APP: variants seen among roughly 807,000 people sequenced by gnomAD.
APP encodes the protein amyloid beta precursor protein.
Under a neutral mutation model 101.4 loss-of-function variants are expected in APP, and 31 were observed. The ratio of observed to expected loss-of-function variants is 0.31; its 90% CI spans 0.23 to 0.41. The LOEUF (loss-of-function observed/expected upper bound fraction) is 0.41. Among genes scored for constraint, APP ranks in the 10% least tolerant of loss-of-function variants. The probability of loss-of-function intolerance (pLI) is 1.00; values close to 1 mark genes in which losing one functional copy is unlikely to be tolerated. For missense variants in APP, 839 were observed against 1,003.7 expected (o/e 0.84, Z 2.22); for synonymous variants, 366 against 364.4 (o/e 1.00, Z -0.05).
chr21:25,883,200 T>C (rs924661351), intron 17 of APP, among the ~76,000 whole-genome samples: 1 of 152,090 alleles, frequency 6.6e-6, no homozygotes, highest in Non-Finnish European at 1.5e-5. Context: ...GTCAGGAGTT[T>C]GAGACCAGCC....
At chr21:26,075,976 C>G (rs192886069) in intron 3 of APP, among the ~76,000 whole-genome samples, 45 of 152,292 alleles carry the variant, frequency 3.0e-4, no homozygotes, top group East Asian at 3.9e-4. Flanking sequence ...TCACTGCAAT[C>G]TCCGCTTCCC....
At chr21:26,094,853 ATTTT>A in intron 2 of APP, among the ~76,000 whole-genome samples, 1 of 149,070 alleles carries the variant, frequency 6.7e-6, no homozygotes, top group East Asian at 2.0e-4. Flanking sequence ...TAATTAATTT[ATTTT>A]TTTTTTGAGA....
At chr21:25,957,035 TG>T (rs1252148588) in intron 11 of APP, among the ~76,000 whole-genome samples, 4 of 152,186 alleles carry the variant, frequency 2.6e-5, no homozygotes, top group Admixed American at 2.6e-4. Context: ...TGTATTTGCT[TG>T]GTGAATGCCT....
chr21:26,170,721 C>G lies in APP; in HGVS notation c.-101G>C, dbSNP rs2063729531. On this transcript the variant is annotated 5_prime_UTR_variant, in exon 1 of 18. Transcript: ENST00000346798. The stretch of plus-strand genomic sequence containing the variant: ...CACCGCCGCCGTCTCCCGGGGCCCC[C>G]GCGCACGCTCCTCCGCGTGCTCTCG... 2.2e-5 allele frequency: 27 copies of G among 1,246,174 alleles called. No individual in the cohort carries two copies. The highest frequency in any genetic ancestry group is 2.9e-5 in the Non-Finnish European group (27 of 943,942). 77.2% of individuals were successfully genotyped at this position (1,246,174 alleles called of 1,614,324 possible). A position where few individuals can be genotyped will look rare whatever the true frequency, so the allele number is the denominator to read the frequency against.
At chr21:26,043,910 T>G (rs1456050407) in intron 5 of APP, among the ~76,000 whole-genome samples, 1 of 152,224 alleles carries the variant, frequency 6.6e-6, no homozygotes, top group African/African-American at 2.4e-5. Context: ...TACTTAACCA[T>G]GAGTCTGAGA....
At chr21:26,125,754 A>T (rs148425712) in intron 1 of APP, among the ~76,000 whole-genome samples, 11 of 152,362 alleles carry the variant, frequency 7.2e-5, no homozygotes, top group African/African-American at 2.2e-4. Flanking sequence ...CTAGCCCCAC[A>T]TCACATCAGG....
At chr21:26,091,101 T>C (rs1387219557) in intron 2 of APP, among the ~76,000 whole-genome samples, 3 of 152,260 alleles carry the variant, frequency 2.0e-5, no homozygotes, top group African/African-American at 7.2e-5. Context: ...TGCATTCCCT[T>C]GCATAAACCT....
chr21:25,886,773 C>G lies in APP; in HGVS notation c.2211+4949G>C, dbSNP rs187914724. Among the ~76,000 whole-genome samples, 37 of 143,506 alleles carry G rather than the reference C, an allele frequency of 2.6e-4. 1 individual carries two copies. The East Asian group carries it at 7.2e-3, about 28-fold the overall frequency. 94.1% of individuals were successfully genotyped at this position (143,506 alleles called of 152,430 possible). A position where few individuals can be genotyped will look rare whatever the true frequency, so the allele number is the denominator to read the frequency against. ...CACTGTAAGCCACTCCTAGGTTCTG[C>G]ACCCCCCCTCACTTTTCCTTATCGT... On this transcript the variant is annotated intron_variant, in intron 17 of 17. Transcript: ENST00000346798.
chr21:26,019,224 C>A (rs548872098), intron 6 of APP, among the ~76,000 whole-genome samples: 1 of 152,358 alleles, frequency 6.6e-6, no homozygotes, highest in East Asian at 1.9e-4. Flanking sequence ...TAATGCCCAT[C>A]TTTGCCAGCC....
intron 13 of APP, among the ~76,000 whole-genome samples, chr21:25,936,616 G>A (rs886157608): frequency 3.9e-5 from 6 of 152,210 alleles, no homozygotes; most frequent in South Asian, 2.1e-4. Context: ...GACATGATGC[G>A]TAGGTGGCCA....
chr21:26,091,418 G>A (rs949396765), intron 2 of APP, among the ~76,000 whole-genome samples: 1 of 152,150 alleles, frequency 6.6e-6, no homozygotes, highest in African/African-American at 2.4e-5. Flanking sequence ...ATTGGTCATT[G>A]CAAGGAGTAT....
At chr21:25,995,187 T>A (rs1252908524) in intron 8 of APP, among the ~76,000 whole-genome samples, 1 of 152,144 alleles carries the variant, frequency 6.6e-6, no homozygotes, top group Non-Finnish European at 1.5e-5. Context: ...CCATCAGTTA[T>A]TAAAAATGGA....
intron 2 of APP, among the ~76,000 whole-genome samples, chr21:26,096,882 GAAAGGAA>G (rs1195405311): frequency 6.6e-6 from 1 of 152,214 alleles, no homozygotes; most frequent in Non-Finnish European, 1.5e-5. Context: ...GTTAGTCCAG[GAAAGGAA>G]AACAGGGAAT....
At chr21:25,934,509 C>G (rs1457800475) in intron 13 of APP, 2 of 152,010 alleles carry the variant, frequency 1.3e-5, no homozygotes, top group Non-Finnish European at 2.9e-5. Flanking sequence ...GATCTCGGCT[C>G]ACTGTAACCT....
intron 3 of APP, among the ~76,000 whole-genome samples, chr21:26,074,886 T>C (rs914970086): frequency 6.6e-6 from 1 of 152,230 alleles, no homozygotes; most frequent in Non-Finnish European, 1.5e-5. Context: ...ATGTGTAGGA[T>C]AGGTTTAACC....
intron 13 of APP, among the ~76,000 whole-genome samples, chr21:25,947,466 A>C (rs951144131): frequency 2.0e-5 from 3 of 152,232 alleles, no homozygotes; most frequent in Admixed American, 2.0e-4. Context: ...GAAAACTAGG[A>C]GGCTGTCTTA....
chr21:26,170,270 A>C (rs2063715739), intron 1 of APP, among the ~76,000 whole-genome samples: 1 of 151,988 alleles, frequency 6.6e-6, no homozygotes, highest in Non-Finnish European at 1.5e-5. Context: ...GGCAGGGACT[A>C]AGTCGGGGTC....
At chr21:25,983,687 T>C (rs1273882305) in intron 8 of APP, among the ~76,000 whole-genome samples, 3 of 152,174 alleles carry the variant, frequency 2.0e-5, no homozygotes, top group Admixed American at 2.0e-4. Flanking sequence ...TCAATCCTGA[T>C]TAATAATCAT....
chr21:25,886,774 AC>A (rs11378786), intron 17 of APP, among the ~76,000 whole-genome samples: 2 of 151,352 alleles, frequency 1.3e-5, no homozygotes, highest in African/African-American at 2.4e-5. Flanking sequence ...TAGGTTCTGC[AC>A]CCCCCCTCAC....
Sources: allele counts gnomAD v4.1 joint callset (sites outside exome capture counted in the v4.1 genomes callset), GRCh38; gene constraint gnomAD v4.1.1; transcripts MANE v1.5; gene names NCBI Gene and HGNC (gene_info 2026-07-23, HGNC 2026-07-21).